The following FLNA variants were observed in gnomAD, a reference collection of about 807,000 sequenced individuals.
The protein encoded by FLNA is filamin A.
Under a neutral mutation model 157.6 loss-of-function variants are expected in FLNA, and 7 were observed. The ratio of observed to expected loss-of-function variants is 0.04; its 90% CI spans 0.03 to 0.08. The LOEUF (loss-of-function observed/expected upper bound fraction) is 0.08. FLNA is among the 10% of genes least tolerant of loss of function. The pLI, the probability that FLNA is intolerant of heterozygous loss-of-function variation, is 1.00. For missense variants in FLNA, 1,750 were observed against 2,398.4 expected (o/e 0.73, Z 5.65); for synonymous variants, 1,103 against 1,060.8 (o/e 1.04, Z -0.77).
chrX:154,350,191 G>A lies in FLNA; in HGVS notation c.7173C>T (p.Arg2391=). The change falls in exon 45 of 48, where the codon CGC becomes CGT. Residue 2391 remains arginine (R), a synonymous_variant. Transcript: ENST00000369850. ...AAACGCCATTCTCCCGAGGGATGAA[G>A]CGCACAGCATACTTATCTGAGGAGC... The part of the protein sequence containing the change: ...TEIDQDKYAV[R]FIPRENGVYL... 6 of 1,211,774 alleles carry A rather than the reference G, an allele frequency of 5.0e-6. No individual in the cohort carries two copies. Among genetic ancestry groups the A allele is most frequent in the Middle Eastern group, 2.3e-4 (1 of 4,352 alleles).
chrX:154,362,700 G>A lies in FLNA; in HGVS notation c.2365C>T (p.Pro789Ser), dbSNP rs201331927. The change falls in exon 16 of 48, where the codon CCC becomes TCC. Residue 789 changes from proline (P) to serine (S), a missense_variant. Pro to Ser is a moderately conservative substitution (Grantham distance 74). Around this residue, in one of 5 missense-constraint regions of FLNA, gnomAD observed 648 missense variants for 805.8 expected, o/e 0.80. Coordinates refer to ENST00000369850, the MANE Select transcript of FLNA (RefSeq NM_001110556.2). Reference sequence around the variant, plus strand: ...GCGCAGTCCACAGTGAAGTAGGTGGGCTCGTGGGCCTTGAGCCCTGTCTTG... The same window carrying A: ...GCGCAGTCCACAGTGAAGTAGGTGGACTCGTGGGCCTTGAGCCCTGTCTTG... ...VAKTGLKAHE[P>S]TYFTVDCAEA... 8.3e-7 allele frequency: 1 copy of A among 1,209,119 alleles called. No individual in the cohort carries two copies. The highest frequency in any genetic ancestry group is 2.2e-5 in the Admixed American group (1 of 45,847).
In FLNA at chrX:154,350,953, G is replaced by A; in HGVS notation, c.7112C>T (p.Pro2371Leu). 2 of 1,211,412 alleles carry A rather than the reference G, an allele frequency of 1.7e-6. No homozygotes were observed. Among genetic ancestry groups the A allele is most frequent in the Non-Finnish European group, 2.2e-6 (2 of 894,993 alleles). Reference sequence around the variant, plus strand: ...ATAGCACTCCTCCAGGGCTCCTGAGGGGCTGTGCACCTTGGCATCGATCGC... The same window carrying A: ...ATAGCACTCCTCCAGGGCTCCTGAGAGGCTGTGCACCTTGGCATCGATCGC... Reference protein sequence around the residue: ...KGAIDAKVHSPSGALEECYVT... With the variant: ...KGAIDAKVHSLSGALEECYVT... The change falls in exon 44 of 48, where the codon CCC becomes CTC. Residue 2371 changes from proline to leucine, a missense_variant. Transcript: ENST00000369850.
At chrX:154,361,076 A>AAAAAAG (rs1569551711) in intron 21 of FLNA, among the ~76,000 whole-genome samples, 5 of 89,023 alleles carry the variant, frequency 5.6e-5, no homozygotes, top group Non-Finnish European at 9.0e-5. Flanking sequence ...AAAAAAAAAA[A>AAAAAAG]AAAGAAAGAA....
rs782598234 is a variant in FLNA at position 154,366,211 on chromosome X, G to A, written c.1242C>T (p.Gly414=). The change falls in exon 9 of 48, where the codon GGC becomes GGT. Residue 414 remains glycine (G), a synonymous_variant. Coordinates refer to ENST00000369850, the MANE Select transcript of FLNA (RefSeq NM_001110556.2). ...GGTCCTGGATCACAACCTCGACCTC[G>A]CCCGTGCCAGCTCCTGCCACGAGGC... ...FEIFTAGAGT[G]EVEVVIQDPM... 6.1e-5 allele frequency: 74 copies of A among 1,209,106 alleles called. No individual in the cohort carries two copies. The South Asian group carries it at 7.2e-4, about 12-fold the overall frequency.
chrX:154,357,479 C>T lies in FLNA; in HGVS notation c.4900G>A (p.Val1634Met). Residue 1634 changes from valine (V) to methionine (M), a missense_variant, in exon 29 of 48, where the codon GTG becomes ATG. Physicochemically the swap from Val to Met is conservative, Grantham distance 21 (BLOSUM62 1). Transcript: ENST00000369850. ...GDEIPFSPYR[V>M]RAVPTGDASK... Reference sequence around the variant, plus strand: ...GCGTCCCCGGTGGGCACGGCACGCACGCGGTACGGGGAGAAGGGGATCTCG... The same window carrying T: ...GCGTCCCCGGTGGGCACGGCACGCATGCGGTACGGGGAGAAGGGGATCTCG... 8.3e-7 allele frequency: 1 copy of T among 1,211,308 alleles called. No individual in the cohort carries two copies. Among genetic ancestry groups the T allele is most frequent in the Non-Finnish European group, 1.1e-6 (1 of 894,982 alleles).
Position 154,365,188 on chromosome X carries a change from G to A in FLNA, c.1639C>T (p.Pro547Ser), listed in dbSNP as rs898196892. The change falls in exon 11 of 48, where the codon CCT becomes TCT. Residue 547 changes from proline (P) to serine (S), a missense_variant. By Grantham distance (74) the Pro-to-Ser change is moderately conservative. Transcript: ENST00000369850. Reference protein sequence around the residue: ...VYGFEYYPMVPGTYIVTITWG... With the variant: ...VYGFEYYPMVSGTYIVTITWG... ...GTGATGGTGACGATATAGGTTCCAG[G>A]GACCATGGGGTAATACTCGAAGCCA... 1 of 1,211,384 alleles carries A rather than the reference G, an allele frequency of 8.3e-7. No individual in the cohort carries two copies. The highest frequency in any genetic ancestry group is 1.7e-5 in the African/African-American group (1 of 57,865).
chrX:154,365,698 A>G (rs2067752905), intron 9 of FLNA, among the ~76,000 whole-genome samples: 1 of 105,077 alleles, frequency 9.5e-6, no homozygotes, highest in Admixed American at 9.9e-5. Flanking sequence ...ACACCAGCCC[A>G]GAGCCCCCCA....
rs782195984 is a variant in FLNA at position 154,366,822 on chromosome X, C to T, written c.897G>A (p.Lys299=). The change falls in exon 6 of 48, where the codon AAG becomes AAA. Residue 299 remains lysine, a synonymous_variant. Coordinates refer to ENST00000369850, the MANE Select transcript of FLNA (RefSeq NM_001110556.2). ...PGIEPTGNMV[K]KRAEFTVETR... ...TCTCCACAGTGAACTCTGCCCGCTT[C>T]TTCACCATGTTGCCTGTGGGCTCGA... is the stretch of plus-strand genomic sequence containing the variant. The T allele has an allele frequency of 5.8e-6, 7 of 1,211,560 alleles. No homozygotes were observed. The highest frequency in any genetic ancestry group is 7.8e-6 in the Non-Finnish European group (7 of 895,112).
At chrX:154,365,889 A>G in intron 9 of FLNA, 135 bp downstream of exon 9, 3 of 518,914 alleles carry the variant, frequency 5.8e-6, no homozygotes, top group Non-Finnish European at 9.4e-6. Flanking sequence ...GAAAAACAGC[A>G]TGTGCCCAGA....
chrX:154,350,840 C>T (rs914482592), intron 44 of FLNA, 69 bp downstream of exon 44: 1 of 1,163,737 alleles, frequency 8.6e-7, no homozygotes, highest in Non-Finnish European at 1.2e-6. Flanking sequence ...GAAGCGGTAC[C>T]TTCCTTTTGT....
At position 154,369,714 on chromosome X, in the gene FLNA, C is replaced by T. The variant is rs1053912257; in HGVS notation, c.373+1159G>A. On this transcript the variant is annotated intron_variant, in intron 2 of 47. Transcript: ENST00000369850. ...CCCGCCTCCCCACATCCGGTCGCCC[C>T]CCCTACCATCCAGGACTGAGATGAC... Among the ~76,000 whole-genome samples, 3 of 111,925 alleles carry T rather than the reference C, an allele frequency of 2.7e-5. No individual in the cohort carries two copies. The Admixed American group carries it at 2.8e-4, about 10-fold the overall frequency.
Position 154,350,270 on chromosome X carries a change from G to A in FLNA, c.7157-63C>T, listed in dbSNP as rs1317036170. The A allele has an allele frequency of 1.4e-5, 15 of 1,041,732 alleles. No homozygotes were observed. The Admixed American group carries it at 3.1e-4, about 21-fold the overall frequency. 85.9% of individuals were successfully genotyped at this position (1,041,732 alleles called of 1,213,427 possible). On this transcript the variant is annotated intron_variant, in intron 44 of 47. Transcript: ENST00000369850. Reference sequence around the variant, plus strand: ...CTCCTCAAACCAGCAGATGGTGTCTGTGAGGAACAGCCTCAACCCTGGCCC... The same window carrying A: ...CTCCTCAAACCAGCAGATGGTGTCTATGAGGAACAGCCTCAACCCTGGCCC...
At position 154,352,033 on chromosome X, in the gene FLNA, C is replaced by G; in HGVS notation, c.6770-12G>C. ...GATACTGAATTCGGCTGTGGGAGAACAGTTTGTCCTCACTGAAGGCTGCTT... is the reference window on the plus strand; with the variant it reads ...GATACTGAATTCGGCTGTGGGAGAAGAGTTTGTCCTCACTGAAGGCTGCTT... On this transcript the variant is annotated splice_polypyrimidine_tract_variant and intron_variant, in intron 41 of 47. Transcript: ENST00000369850. The G allele has an allele frequency of 8.3e-7, 1 of 1,211,581 alleles. No individual in the cohort carries two copies.
Position 154,366,753 on chromosome X carries a change from G to A in FLNA, c.966C>T (p.Asp322=). Residue 322 remains aspartate (D), a synonymous_variant, in exon 6 of 48, where the codon GAC becomes GAT. Coordinates refer to ENST00000369850, the MANE Select transcript of FLNA (RefSeq NM_001110556.2). ...GQGEVLVYVE[D]PAGHQEEAKV... ...CTACCTCCTCCTGGTGTCCGGCCGGGTCCTCCACGTACACCAGCACCTCTC... is the reference window on the plus strand; with the variant it reads ...CTACCTCCTCCTGGTGTCCGGCCGGATCCTCCACGTACACCAGCACCTCTC... 1 of 1,210,216 alleles carries A rather than the reference G, an allele frequency of 8.3e-7. No homozygotes were observed. Among genetic ancestry groups the A allele is most frequent in the Non-Finnish European group, 1.1e-6 (1 of 894,092 alleles).
At chrX:154,370,607 G>A (rs1274922928) in intron 2 of FLNA, among the ~76,000 whole-genome samples, 3 of 113,091 alleles carry the variant, frequency 2.7e-5, no homozygotes, top group Non-Finnish European at 5.6e-5. Context: ...GCGGAGGCGC[G>A]GCCTGCGGAG....
At position 154,371,070 on chromosome X, in the gene FLNA, C is replaced by T. The variant is rs782769930; in HGVS notation, c.176G>A (p.Cys59Tyr). The T allele has an allele frequency of 8.3e-7, 1 of 1,204,904 alleles. No homozygotes were observed. The highest frequency in any genetic ancestry group is 1.8e-5 in the South Asian group (1 of 56,040). Residue 59 changes from cysteine to tyrosine, a missense_variant, in exon 2 of 48, where the codon TGC (cysteine) becomes TAC (tyrosine). Coordinates refer to ENST00000369850, the MANE Select transcript of FLNA (RefSeq NM_001110556.2). ...FTRWCNEHLK[C>Y]VSKRIANLQT... ...CAGGTTGGCGATGCGCTTGCTCACG[C>T]ACTTCAGGTGCTCGTTGCACCAGCG...
chrX:154,361,303 A>G lies in FLNA; in HGVS notation c.3207+5T>C, dbSNP rs782555499. The stretch of plus-strand genomic sequence containing the variant: ...TACCCTTAGGGCCTCCCATACCCCA[A>G]TTACCTTGCTAGGCTTGGTGGGGGC... On this transcript the variant is annotated splice_donor_5th_base_variant and intron_variant, in intron 21 of 47. Transcript: ENST00000369850. The G allele has an allele frequency of 7.4e-6, 9 of 1,209,720 alleles. No homozygotes were observed. In the Admixed American group the frequency reaches 1.1e-4, roughly 15 times the overall value.
chrX:154,359,896 C>A lies in FLNA; in HGVS notation c.3815G>T (p.Arg1272Leu). 2 of 1,210,653 alleles carry A rather than the reference C, an allele frequency of 1.7e-6. No individual in the cohort carries two copies. The highest frequency in any genetic ancestry group is 1.1e-6 in the Non-Finnish European group (1 of 895,217). The stretch of plus-strand genomic sequence containing the variant: ...CACACTGAACTCAGTGGTGGCCTCA[C>A]GGAAGACACCTGCAAAGGCACAGAG... ...GPGIEGQGVFREATTEFSVDA... is the reference protein window; with the variant it reads ...GPGIEGQGVFLEATTEFSVDA... The change falls in exon 23 of 48, where the codon CGT (arginine) becomes CTT (leucine). Residue 1272 changes from arginine (R) to leucine (L), a missense_variant. Physicochemically the swap from Arg to Leu is moderately radical, Grantham distance 102 (BLOSUM62 -2). Transcript: ENST00000369850.
At chrX:154,358,695 G>C in intron 26 of FLNA, 127 bp from the exon 27 acceptor site, 3 of 897,399 alleles carry the variant, frequency 3.3e-6, no homozygotes, top group Non-Finnish European at 4.8e-6. Context: ...ACCCGACCCT[G>C]GGAATGGCCT....
Sources: allele counts gnomAD v4.1 joint callset (sites outside exome capture counted in the v4.1 genomes callset), GRCh38; gene constraint gnomAD v4.1.1; regional missense constraint gnomAD v4.1.1; transcripts MANE v1.5; gene names NCBI Gene and HGNC (gene_info 2026-07-23, HGNC 2026-07-21).